Variants in KDELR3 observed in about 807,000 individuals in gnomAD.
The protein encoded by KDELR3 is ER lumen protein-retaining receptor 3.
A neutral mutation model predicts 22.7 loss-of-function variants in KDELR3; 26 were observed. The observed-to-expected ratio is 1.15, with a 90% CI of 0.84 to 1.59. KDELR3 has a LOEUF of 1.59. Among genes scored for constraint, KDELR3 ranks in the 40% most tolerant of loss-of-function variants. The probability of loss-of-function intolerance (pLI) is 0.00; values close to 1 mark genes in which losing one functional copy is unlikely to be tolerated. For synonymous variants in KDELR3, 120 were observed against 98.2 expected, an observed-to-expected ratio of 1.22 and a Z score of -1.31; for missense variants, 289 against 251.1, an observed-to-expected ratio of 1.15 and a Z score of -1.02.
chr22:38,481,100 TC>T (rs113665532), intron 3 of KDELR3, 111 bp from the exon 4 acceptor site: 1 of 921,096 alleles, frequency 1.1e-6, no homozygotes, highest in Non-Finnish European at 1.7e-6. Flanking sequence ...GAGAACTTTT[TC>T]CCTCCTTACT....
At chr22:38,478,790 C>CTGCCACTG (rs2089578418) in intron 2 of KDELR3, among the ~76,000 whole-genome samples, 1 of 150,682 alleles carries the variant, frequency 6.6e-6, no homozygotes, top group African/African-American at 2.4e-5. Flanking sequence ...TTACAGGCGC[C>CTGCCACTG]CGCATGCATG....
chr22:38,471,743 C>T (rs1330687039), intron 1 of KDELR3, among the ~76,000 whole-genome samples: 20 of 151,942 alleles, frequency 1.3e-4, no homozygotes, highest in Admixed American at 1.3e-3. Flanking sequence ...GCAGGAGGAT[C>T]ACCTGAGCCC....
chr22:38,481,761 G>A (rs1569134149), intron 4 of KDELR3: 1 of 796,516 alleles, frequency 1.3e-6, no homozygotes, highest in Non-Finnish European at 1.7e-6. Flanking sequence ...CACCAGCTTG[G>A]TGTGATGGAC....
intron 1 of KDELR3, among the ~76,000 whole-genome samples, chr22:38,469,741 T>C (rs2145961405): frequency 6.6e-6 from 1 of 152,354 alleles, no homozygotes; most frequent in East Asian, 1.9e-4. Flanking sequence ...GGCCGCTGTC[T>C]GCCAGACACT....
chr22:38,475,729 C>T (rs2089553351), intron 2 of KDELR3, among the ~76,000 whole-genome samples: 1 of 152,014 alleles, frequency 6.6e-6, no homozygotes, highest in Admixed American at 6.6e-5. Context: ...TGGTTTCAAG[C>T]CGGGAGCTTG....
intron 1 of KDELR3, among the ~76,000 whole-genome samples, chr22:38,471,256 G>C (rs1434301095): frequency 6.6e-6 from 1 of 152,170 alleles, no homozygotes; most frequent in Admixed American, 6.5e-5. Flanking sequence ...GAGAAAAGAG[G>C]GGTAGGGGAA....
At chr22:38,478,629 A>ATTTTTTT (rs55884876) in intron 2 of KDELR3, among the ~76,000 whole-genome samples, 7,735 of 43,516 alleles carry the variant, frequency 0.18, 3,525 homozygotes, top group East Asian at 0.22. Context: ...AGCATCTGTG[A>ATTTTTTT]TTTTTTTTTT....
At chr22:38,469,270 G>A (rs2089508797) in intron 1 of KDELR3, among the ~76,000 whole-genome samples, 1 of 152,244 alleles carries the variant, frequency 6.6e-6, no homozygotes, top group Non-Finnish European at 1.5e-5. Context: ...GCCAGATTTG[G>A]GGTGGTCTGG....
chr22:38,475,255 C>T (rs751189295), intron 2 of KDELR3, among the ~76,000 whole-genome samples: 10 of 152,074 alleles, frequency 6.6e-5, no homozygotes, highest in South Asian at 6.2e-4. Flanking sequence ...GCGAGAGGAC[C>T]GCTTGAGCTC....
In KDELR3 at chr22:38,474,536, G is replaced by A. The variant is rs2089545279; in HGVS notation, c.105G>A (p.Lys35=). The A allele has an allele frequency of 6.2e-7, 1 of 1,613,814 alleles. No individual in the cohort carries two copies. Among genetic ancestry groups the A allele is most frequent in the South Asian group, 1.1e-5 (1 of 91,076 alleles). Residue 35 remains lysine (K), a synonymous_variant, in exon 2 of 5, where the codon AAG becomes AAA. Coordinates refer to ENST00000216014, the MANE Select transcript of KDELR3 (RefSeq NM_006855.4). The part of the protein sequence containing the change: ...RSKCCKGISG[K]SQILFALVFT... ...CCTTGGCCACAGGCATCTCTGGGAA[G>A]AGCCAGATCCTGTTTGCTCTCGTCT...
chr22:38,468,206 C>T lies in KDELR3; in HGVS notation c.-28C>T, dbSNP rs1418791345. The T allele has an allele frequency of 1.2e-6, 2 of 1,606,796 alleles. No individual in the cohort carries two copies. Among genetic ancestry groups the T allele is most frequent in the Non-Finnish European group, 1.7e-6 (2 of 1,173,958 alleles). ...GAAAGTTTCCTAGAAGTTTGCTGGG[C>T]GCGGGCGCACGACTGACTGGCTGGA... On this transcript the variant is annotated 5_prime_UTR_variant, in exon 1 of 5. Coordinates refer to ENST00000216014, the MANE Select transcript of KDELR3 (RefSeq NM_006855.4).
At chr22:38,481,542 C>T in intron 4 of KDELR3, 78 bp downstream of exon 4, 1 of 1,593,698 alleles carries the variant, frequency 6.3e-7, no homozygotes, top group Non-Finnish European at 8.6e-7. Context: ...CCAGCAGATA[C>T]AGATGTGAAC....
chr22:38,481,887 C>T (rs1016720490), intron 4 of KDELR3, among the ~76,000 whole-genome samples: 4 of 152,176 alleles, frequency 2.6e-5, no homozygotes, highest in East Asian at 1.9e-4. Context: ...GAAGAATTGT[C>T]GTGGGCCACA....
rs928506256 is a variant in KDELR3 at position 38,481,366 on chromosome 22, G to A, written c.506G>A (p.Arg169Gln). ...CTCTACCTGGCTAACTGGATCAGGC[G>A]GTACCAGACTGAGAATTTCTATGAC... ...RALYLANWIR[R>Q]YQTENFYDQI... The change falls in exon 4 of 5, where the codon CGG becomes CAG. Residue 169 changes from arginine (R) to glutamine (Q), a missense_variant. Transcript: ENST00000216014. 1.1e-5 allele frequency: 17 copies of A among 1,614,148 alleles called. No homozygotes were observed. The highest frequency in any genetic ancestry group is 6.6e-5 in the South Asian group (6 of 91,082).
At chr22:38,480,655 A>C (rs1569133621) in intron 3 of KDELR3, among the ~76,000 whole-genome samples, 1 of 151,948 alleles carries the variant, frequency 6.6e-6, no homozygotes, top group Non-Finnish European at 1.5e-5. Flanking sequence ...CGGGAGGCTG[A>C]GACAGGAGAA....
chr22:38,476,870 G>A (rs182429706), intron 2 of KDELR3, among the ~76,000 whole-genome samples: 4 of 120,442 alleles, frequency 3.3e-5, no homozygotes, highest in African/African-American at 1.3e-4. Flanking sequence ...GCAGTGGCAC[G>A]ATCTTGGCTC....
chr22:38,480,650 G>A (rs554153449), intron 3 of KDELR3, among the ~76,000 whole-genome samples: 2 of 152,136 alleles, frequency 1.3e-5, no homozygotes, highest in Admixed American at 6.5e-5. Flanking sequence ...CTACTCGGGA[G>A]GCTGAGACAG....
Position 38,481,433 on chromosome 22 carries a change from C to G in KDELR3, c.573C>G (p.Tyr191Ter). Reference sequence around the variant, plus strand: ...CTGGAGTAGTACAAACCATCTTCTACTGTGACTTCTTCTACTTGTATGTGA... The same window carrying G: ...CTGGAGTAGTACAAACCATCTTCTAGTGTGACTTCTTCTACTTGTATGTGA... ...VVSGVVQTIF[Y>*]CDFFYLYVTK... is the part of the protein sequence containing the mutation. The change falls in exon 4 of 5, where the codon TAC becomes TAG. Residue 191 changes from tyrosine (Y) to a stop codon, truncating the protein, a stop_gained. Coordinates refer to ENST00000216014, the MANE Select transcript of KDELR3 (RefSeq NM_006855.4). LOFTEE classifies it high-confidence loss of function. The G allele has an allele frequency of 1.2e-6, 2 of 1,614,162 alleles. No individual in the cohort carries two copies. The highest frequency in any genetic ancestry group is 1.7e-6 in the Non-Finnish European group (2 of 1,180,006).
chr22:38,469,484 T>C (rs978054212), intron 1 of KDELR3, among the ~76,000 whole-genome samples: 2 of 152,086 alleles, frequency 1.3e-5, no homozygotes, highest in Admixed American at 1.3e-4. Flanking sequence ...GGTGCAGACA[T>C]GAGCAACAGT....
Sources: gnomAD v4.1 joint callset for allele counts (sites outside exome capture counted in the v4.1 genomes callset) on GRCh38, gnomAD v4.1.1 for gene constraint, MANE v1.5 for transcripts, NCBI Gene and HGNC (gene_info 2026-07-23, HGNC 2026-07-21) for gene names.